Variants in TXN2 observed in about 807,000 individuals in gnomAD.
TXN2 encodes thioredoxin 2, also known as thioredoxin, mitochondrial.
In TXN2, 12 loss-of-function variants were observed where a neutral mutation model predicts 14.6. That is an observed-to-expected ratio of 0.82 (90% confidence interval 0.53 to 1.33). The LOEUF (loss-of-function observed/expected upper bound fraction) is 1.33. TXN2 is among the 40% of genes most tolerant of loss of function. TXN2 has a pLI of 0.00. For missense variants in TXN2, 173 were observed against 207.7 expected (o/e 0.83, Z 1.03); for synonymous variants, 89 against 81.0 (o/e 1.10, Z -0.53).
At chr22:36,468,935 G>T (rs1311822951) in intron 3 of TXN2, among the ~76,000 whole-genome samples, 2 of 151,994 alleles carry the variant, frequency 1.3e-5, no homozygotes, top group Non-Finnish European at 2.9e-5. Flanking sequence ...CCACCTACTT[G>T]GGAGGCTGAG....
chr22:36,474,204 C>T (rs970482833), intron 3 of TXN2, among the ~76,000 whole-genome samples: 2 of 152,160 alleles, frequency 1.3e-5, no homozygotes, highest in Non-Finnish European at 2.9e-5. Context: ...ACTCACCCCT[C>T]CCCCAGCCCC....
intron 3 of TXN2, among the ~76,000 whole-genome samples, chr22:36,472,715 G>A (rs543291730): frequency 4.1e-4 from 62 of 152,244 alleles, no homozygotes; most frequent in African/African-American, 1.4e-3. Context: ...GGAAAACAGG[G>A]GAACCGAGGG....
intron 3 of TXN2, chr22:36,468,617 C>T (rs937141808): frequency 1.1e-5 from 5 of 444,708 alleles, no homozygotes; most frequent in Admixed American, 2.4e-5. Context: ...CTCCCATACT[C>T]GGGAGGCTGA....
chr22:36,481,520 C>G (rs975493778), intron 1 of TXN2, 44 bp downstream of exon 1: 43 of 963,192 alleles, frequency 4.5e-5, no homozygotes, highest in Non-Finnish European at 5.3e-5. Context: ...CGCGGCATGC[C>G]TCAGCCGCGA....
At chr22:36,469,812 C>T (rs1331366047) in intron 3 of TXN2, among the ~76,000 whole-genome samples, 8 of 152,020 alleles carry the variant, frequency 5.3e-5, no homozygotes, top group Admixed American at 1.3e-4. Flanking sequence ...AAAAATTAGC[C>T]GGGCGTGGTG....
At chr22:36,481,194 T>G in intron 1 of TXN2, 1 of 173,982 alleles carries the variant, frequency 5.7e-6, no homozygotes, top group Non-Finnish European at 1.2e-5. Flanking sequence ...GTTGCTATTG[T>G]ACTGCCCACA....
At position 36,480,732 on chromosome 22, in the gene TXN2, G is replaced by A. The variant is rs758960286; in HGVS notation, c.106C>T (p.Gln36Ter). The change falls in exon 2 of 4, where the codon CAA (glutamine) becomes TAA (stop). Residue 36 changes from glutamine (Q) to a stop codon, truncating the protein, a stop_gained. Coordinates refer to ENST00000216185, the MANE Select transcript of TXN2 (RefSeq NM_012473.4). LOFTEE classifies it high-confidence loss of function. ...PLTSRALQTP[Q>*]CSPGGLTVTP... ...ACAGTCAGGCCACCAGGACTGCATT[G>A]TGGGGTCTGCAGGGCTCTGGAAGTG... The A allele has an allele frequency of 6.2e-7, 1 of 1,614,142 alleles. No individual in the cohort carries two copies. The highest frequency in any genetic ancestry group is 8.5e-7 in the Non-Finnish European group (1 of 1,180,034).
At chr22:36,476,298 C>T (rs1933384037) in intron 3 of TXN2, among the ~76,000 whole-genome samples, 1 of 152,076 alleles carries the variant, frequency 6.6e-6, no homozygotes, top group South Asian at 2.1e-4. Context: ...CTCTTAAAAG[C>T]TCTCGAAAAA....
intron 2 of TXN2, among the ~76,000 whole-genome samples, chr22:36,477,247 C>G (rs1033683351): frequency 5.3e-5 from 8 of 152,014 alleles, no homozygotes; most frequent in African/African-American, 1.9e-4. Flanking sequence ...TCGCTCTATC[C>G]CCCAGGCTGG....
chr22:36,471,317 G>A (rs116665240), intron 3 of TXN2, among the ~76,000 whole-genome samples: 372 of 152,246 alleles, frequency 2.4e-3, no homozygotes, highest in African/African-American at 8.0e-3. Flanking sequence ...GGCAGGAGTG[G>A]GGGAGTGTGT....
Position 36,480,765 on chromosome 22 carries a change from G to A in TXN2, c.73C>T (p.Pro25Ser). The A allele has an allele frequency of 6.2e-7, 1 of 1,613,652 alleles. No individual in the cohort carries two copies. Among genetic ancestry groups the A allele is most frequent in the East Asian group, 2.2e-5 (1 of 44,872 alleles). The change falls in exon 2 of 4, where the codon CCA (proline) becomes TCA (serine). Residue 25 changes from proline (P) to serine (S), a missense_variant. Pro to Ser is a moderately conservative substitution (Grantham distance 74). Transcript: ENST00000216185. Reference protein sequence around the residue: ...ISRKPSQGQWPPLTSRALQTP... With the variant: ...ISRKPSQGQWSPLTSRALQTP... ...TGCAGGGCTCTGGAAGTGAGGGGTG[G>A]CCACTGACCCTGAGAGGGCTTCCTG... is the stretch of plus-strand genomic sequence containing the variant.
Position 36,467,766 on chromosome 22 carries a change from C to T in TXN2, c.*38G>A. On this transcript the variant is annotated 3_prime_UTR_variant, in exon 4 of 4. Transcript: ENST00000216185. ...TGGAAGGGCTGAGTTCTATTGGGGT[C>T]CCACGCGGGCAAGGGAACCAGGACT... 1 of 1,553,292 alleles carries T rather than the reference C, an allele frequency of 6.4e-7. No homozygotes were observed. The highest frequency in any genetic ancestry group is 8.9e-7 in the Non-Finnish European group (1 of 1,126,288).
intron 2 of TXN2, 82 bp from the exon 3 acceptor site, chr22:36,476,938 C>T: frequency 6.3e-7 from 1 of 1,580,938 alleles, no homozygotes; most frequent in Non-Finnish European, 8.6e-7. Flanking sequence ...CTGCATCTTT[C>T]CAAGGAATCT....
intron 3 of TXN2, among the ~76,000 whole-genome samples, chr22:36,474,255 C>T (rs1240374422): frequency 6.6e-6 from 1 of 152,180 alleles, no homozygotes; most frequent in African/African-American, 2.4e-5. Context: ...AGCAGGCCTG[C>T]TCCAGTGGTC....
chr22:36,469,112 C>G (rs73169633), intron 3 of TXN2, among the ~76,000 whole-genome samples: 17 of 152,238 alleles, frequency 1.1e-4, no homozygotes, highest in African/African-American at 3.9e-4. Context: ...GGACGCAATC[C>G]GGCTCCTACC....
At chr22:36,471,716 C>G (rs569295880) in intron 3 of TXN2, among the ~76,000 whole-genome samples, 37 of 152,238 alleles carry the variant, frequency 2.4e-4, no homozygotes, top group Admixed American at 2.1e-3. Context: ...TGCCTGTAAT[C>G]CCAGCACTTT....
intron 2 of TXN2, among the ~76,000 whole-genome samples, chr22:36,477,079 T>A (rs953564824): frequency 1.1e-4 from 17 of 152,230 alleles, no homozygotes; most frequent in Admixed American, 1.0e-3. Flanking sequence ...AGAAGACTCA[T>A]AATAAAAGTG....
rs749033974 is a variant in TXN2, at chr22:36,467,815, G to T, written c.490C>A (p.Leu164Met). Residue 164 changes from leucine to methionine, a missense_variant, in exon 4 of 4, where the codon CTG (leucine) becomes ATG (methionine). Physicochemically the swap from Leu to Met is conservative, Grantham distance 15 (BLOSUM62 2). Coordinates refer to ENST00000216185, the MANE Select transcript of TXN2 (RefSeq NM_012473.4). ...CTCATCCCTGCTTGTCAGCCAATCA[G>T]CTTCTTCAGGAAGGCCTCCAACTGA... ...EDQLEAFLKK[L>M]IG 3 of 1,613,708 alleles carry T rather than the reference G, an allele frequency of 1.9e-6. No individual in the cohort carries two copies. Among genetic ancestry groups the T allele is most frequent in the Non-Finnish European group, 2.5e-6 (3 of 1,179,922 alleles).
chr22:36,481,479 G>T, intron 1 of TXN2, 85 bp downstream of exon 1: 2 of 722,314 alleles, frequency 2.8e-6, no homozygotes, highest in African/African-American at 1.9e-5. Flanking sequence ...CCCCCCGCCC[G>T]CCCGGCCGCC....
Sources: allele counts gnomAD v4.1 joint callset (sites outside exome capture counted in the v4.1 genomes callset), GRCh38; gene constraint gnomAD v4.1.1; transcripts MANE v1.5; gene names NCBI Gene and HGNC (gene_info 2026-07-23, HGNC 2026-07-21).